The following MELK variants were observed in gnomAD, a reference collection of about 807,000 sequenced individuals.
MELK encodes pEg3 kinase.
Under a neutral mutation model 85.0 loss-of-function variants are expected in MELK, and 81 were observed. The ratio of observed to expected loss-of-function variants is 0.95; its 90% CI spans 0.80 to 1.15. MELK has a LOEUF of 1.15. Ranked by LOEUF, MELK falls within the 50% of genes most tolerant of loss-of-function variation. The pLI is 0.00. For missense variants in MELK, 754 were observed against 777.5 expected (o/e 0.97, Z 0.36); for synonymous variants, 252 against 265.0 (o/e 0.95, Z 0.48).
In MELK at chr9:36,677,267, A is replaced by G. The variant is rs767323630; in HGVS notation, c.1886A>G (p.Gln629Arg). The part of the protein sequence containing the change: ...QKPDVVGIRR[Q>R]RLKGDAWVYK... ...CCCGATGTGGTGGGTATCAGGAGGC[A>G]GCGGCTTAAGGGCGATGCCTGGGTT... The change falls in exon 18 of 18, where the codon CAG (glutamine) becomes CGG (arginine). Residue 629 changes from glutamine to arginine, a missense_variant. Coordinates refer to ENST00000298048, the MANE Select transcript of MELK (RefSeq NM_014791.4). 2 of 1,614,166 alleles carry G rather than the reference A, an allele frequency of 1.2e-6. No individual in the cohort carries two copies. The highest frequency in any genetic ancestry group is 2.2e-5 in the South Asian group (2 of 91,060).
At chr9:36,582,520 C>T (rs916921870) in intron 2 of MELK, among the ~76,000 whole-genome samples, 1 of 151,832 alleles carries the variant, frequency 6.6e-6, no homozygotes, top group Admixed American at 6.6e-5. Context: ...ATTTTACACA[C>T]ACATATGTAC....
At chr9:36,647,315 C>T (rs1388868991) in intron 11 of MELK, among the ~76,000 whole-genome samples, 2 of 152,070 alleles carry the variant, frequency 1.3e-5, no homozygotes, top group Non-Finnish European at 2.9e-5. Context: ...CAGTTTATGA[C>T]ATCTCTTTCA....
intron 13 of MELK, among the ~76,000 whole-genome samples, chr9:36,660,830 A>G (rs889814782): frequency 2.0e-5 from 3 of 151,936 alleles, no homozygotes; most frequent in Non-Finnish European, 2.9e-5. Flanking sequence ...CGTCTCTACT[A>G]AAAATACAAA....
At chr9:36,580,384 A>G (rs543571296) in intron 1 of MELK, among the ~76,000 whole-genome samples, 2 of 151,766 alleles carry the variant, frequency 1.3e-5, no homozygotes, top group South Asian at 4.2e-4. Flanking sequence ...CAATGGCACA[A>G]TCTCAGCTTA....
At chr9:36,574,019 ATTG>A (rs891566941) in intron 1 of MELK, among the ~76,000 whole-genome samples, 17 of 152,190 alleles carry the variant, frequency 1.1e-4, no homozygotes, top group South Asian at 8.3e-4. Context: ...AGGAGCCTGG[ATTG>A]TTGTTTAGAG....
chr9:36,657,380 A>G lies in MELK; in HGVS notation c.1176+17A>G. On this transcript the variant is annotated intron_variant, in intron 13 of 17. Coordinates refer to ENST00000298048, the MANE Select transcript of MELK (RefSeq NM_014791.4). ...ACATCACAGGTTCGTCATTCTTATT[A>G]CTATTTAAGGCAGAATCTATTGTTT... 6.3e-7 allele frequency: 1 copy of G among 1,594,540 alleles called. No individual in the cohort carries two copies.
intron 9 of MELK, among the ~76,000 whole-genome samples, chr9:36,631,850 T>TG (rs1828668738): frequency 6.6e-6 from 1 of 152,042 alleles, no homozygotes; most frequent in South Asian, 2.1e-4. Context: ...TTTGTAGAGA[T>TG]GGGGTTTCGC....
chr9:36,592,257 C>A (rs1199633973), intron 4 of MELK, among the ~76,000 whole-genome samples: 1 of 149,990 alleles, frequency 6.7e-6, no homozygotes, highest in African/African-American at 2.5e-5. Context: ...TCACTACAAC[C>A]TCCGCCTCCC....
rs1317326678 is a variant in MELK, at chr9:36,615,178, G to A, written c.666+7505G>A. Among the ~76,000 whole-genome samples the A allele has an allele frequency of 4.9e-5, 7 of 143,502 alleles. No individual in the cohort carries two copies. In the East Asian group the frequency reaches 8.6e-4, roughly 18 times the overall value. The allele number at this position is 143,502 out of a possible 152,430, so 94.1% of individuals were successfully genotyped here. A position where few individuals can be genotyped will look rare whatever the true frequency, so the allele number is the denominator to read the frequency against. On this transcript the variant is annotated intron_variant, in intron 8 of 17. Transcript: ENST00000298048. ...AGGCGCCCCTCACCTCCCGGACGGG[G>A]CGGCTGGCCGGGCGGGGGGCTGACC... is the stretch of plus-strand genomic sequence containing the variant.
chr9:36,584,304 C>T (rs934929184), intron 3 of MELK, among the ~76,000 whole-genome samples: 1 of 140,520 alleles, frequency 7.1e-6, no homozygotes, highest in South Asian at 2.2e-4. Context: ...CGCGCCCGGC[C>T]TCTTTTCTTT....
At chr9:36,594,818 C>T (rs1824014803) in intron 5 of MELK, 47 bp downstream of exon 5, 1 of 1,568,690 alleles carries the variant, frequency 6.4e-7, no homozygotes, top group Non-Finnish European at 8.6e-7. Context: ...GCGTCATTTA[C>T]CTGTTATTTT....
At chr9:36,626,075 A>T (rs910169643) in intron 8 of MELK, among the ~76,000 whole-genome samples, 3 of 152,078 alleles carry the variant, frequency 2.0e-5, no homozygotes, top group African/African-American at 7.2e-5. Flanking sequence ...AGGTCTCACT[A>T]ATGCAGGCCT....
At chr9:36,614,832 T>G (rs971183519) in intron 8 of MELK, among the ~76,000 whole-genome samples, 1 of 146,354 alleles carries the variant, frequency 6.8e-6, no homozygotes, top group Admixed American at 6.7e-5. Context: ...CTCCCATGTC[T>G]TCTACTTTCT....
chr9:36,658,420 A>C (rs2137525832), intron 13 of MELK, among the ~76,000 whole-genome samples: 1 of 152,184 alleles, frequency 6.6e-6, no homozygotes, highest in African/African-American at 2.4e-5. Flanking sequence ...GTTCTGTTTA[A>C]TCCCTCTAGT....
At chr9:36,642,945 T>C in intron 10 of MELK, 52 bp from the exon 11 acceptor site, 1 of 1,289,104 alleles carries the variant, frequency 7.8e-7, no homozygotes. Context: ...TGTGAAAACA[T>C]TGAATATATT....
intron 14 of MELK, among the ~76,000 whole-genome samples, chr9:36,666,895 G>A (rs1418054823): frequency 1.0e-4 from 15 of 145,934 alleles, no homozygotes; most frequent in African/African-American, 3.9e-4. Context: ...GTGTGTGTGT[G>A]TGTGTGTGTG....
chr9:36,602,487 C>CAAAAA lies in MELK; in HGVS notation c.567+3018_567+3022dup, dbSNP rs765623860. 9.1e-3 allele frequency among the ~76,000 whole-genome samples: 377 copies of CAAAAA among 41,324 alleles called. 21 individuals carry two copies. Among genetic ancestry groups the CAAAAA allele is most frequent in the African/African-American group, 0.029 (337 of 11,502 alleles). 27.1% of individuals were successfully genotyped at this position (41,324 alleles called of 152,430 possible). A position where few individuals can be genotyped will look rare whatever the true frequency, so the allele number is the denominator to read the frequency against. On this transcript the variant is annotated intron_variant, in intron 7 of 17. Transcript: ENST00000298048. ...CCTGGGTGACAGAGCAAGACTGTCT[C>CAAAAA]AAAAAAAAAAAAAAAAAAAAAGAGT...
At chr9:36,615,528 G>A (rs1176599474) in intron 8 of MELK, among the ~76,000 whole-genome samples, 1 of 141,986 alleles carries the variant, frequency 7.0e-6, no homozygotes, top group Non-Finnish European at 1.5e-5. Flanking sequence ...CGGGGTGGCT[G>A]CCGGGCGGAG....
intron 8 of MELK, among the ~76,000 whole-genome samples, chr9:36,610,457 C>A (rs919543117): frequency 6.6e-6 from 1 of 152,176 alleles, no homozygotes; most frequent in Non-Finnish European, 1.5e-5. Context: ...CAAAAAGAAG[C>A]AGTGTGAGCG....
Sources: gnomAD v4.1 joint callset for allele counts (sites outside exome capture counted in the v4.1 genomes callset) on GRCh38, gnomAD v4.1.1 for gene constraint, MANE v1.5 for transcripts, NCBI Gene and HGNC (gene_info 2026-07-23, HGNC 2026-07-21) for gene names.